Variants in HNRNPLL observed in about 807,000 individuals in gnomAD.
HNRNPLL encodes heterogeneous nuclear ribonucleoprotein L like.
In HNRNPLL, 25 loss-of-function variants were observed where a neutral mutation model predicts 67.1. The observed-to-expected ratio is 0.37, with a 90% CI of 0.27 to 0.52. The LOEUF is 0.52. HNRNPLL is among the 20% of genes least tolerant of loss of function. HNRNPLL has a pLI of 0.90. For synonymous variants in HNRNPLL, 267 were observed against 241.7 expected (o/e 1.10, Z -0.97); for missense variants, 542 against 673.9 (o/e 0.80, Z 2.17).
At chr2:38,597,365 T>C (rs2148388532) in intron 1 of HNRNPLL, among the ~76,000 whole-genome samples, 1 of 152,352 alleles carries the variant, frequency 6.6e-6, no homozygotes, top group Admixed American at 6.5e-5. Context: ...CTGGATACAT[T>C]AAAATTTATC....
chr2:38,576,337 T>A (rs969910073), intron 7 of HNRNPLL, among the ~76,000 whole-genome samples: 1 of 151,848 alleles, frequency 6.6e-6, no homozygotes, highest in Non-Finnish European at 1.5e-5. Context: ...AAACACCCAA[T>A]GTTTTTTACT....
Position 38,564,127 on chromosome 2 carries a change from G to T in HNRNPLL, c.*55C>A. On this transcript the variant is annotated 3_prime_UTR_variant, in exon 13 of 13. Transcript: ENST00000449105. ...ATTTTAGATTTTTTTTTAATGAAGT[G>T]TAGCTTTGAAATTGTAATAAAGGTG... 9.5e-7 allele frequency: 1 copy of T among 1,052,000 alleles called. No individual in the cohort carries two copies. Among genetic ancestry groups the T allele is most frequent in the Non-Finnish European group, 1.5e-6 (1 of 675,424 alleles). The allele number at this position is 1,052,000 out of a possible 1,614,324, so 65.2% of individuals were successfully genotyped here.
In HNRNPLL at chr2:38,585,774, G is replaced by C; in HGVS notation, c.416C>G (p.Ala139Gly). Residue 139 changes from alanine to glycine, a missense_variant, in exon 3 of 13, where the codon GCT becomes GGT. Physicochemically the swap from Ala to Gly is moderately conservative, Grantham distance 60. This residue lies in a region of HNRNPLL where 415 missense variants were observed against 575.2 expected (regional missense o/e 0.72). Transcript: ENST00000449105. ...TFAADEPVYI[A>G]GQQAFFNYST... ...ATAGTTGAAAAAAGCCTGTTGACCA[G>C]CAATGTACACGGGTTCATCTGCAGC... 1.2e-6 allele frequency: 2 copies of C among 1,613,362 alleles called. No homozygotes were observed. The highest frequency in any genetic ancestry group is 8.5e-7 in the Non-Finnish European group (1 of 1,179,342).
At chr2:38,598,261 AAG>A (rs1297852189) in intron 1 of HNRNPLL, among the ~76,000 whole-genome samples, 1 of 152,150 alleles carries the variant, frequency 6.6e-6, no homozygotes, top group Non-Finnish European at 1.5e-5. Flanking sequence ...CGGGCTGGGA[AAG>A]AGAGGATGCT....
chr2:38,597,411 C>T (rs1416188770), intron 1 of HNRNPLL, among the ~76,000 whole-genome samples: 3 of 152,210 alleles, frequency 2.0e-5, no homozygotes, highest in Non-Finnish European at 4.4e-5. Flanking sequence ...TATTTCCAGA[C>T]ATAAAACTAT....
Position 38,591,607 on chromosome 2 carries a change from G to C in HNRNPLL, c.231C>G (p.Val77=), listed in dbSNP as rs368149366. The part of the protein sequence containing the change: ...GSHHKVSVSP[V]VHVRGLCESV... Reference sequence around the variant, plus strand: ...ATTCACAGAGTCCTCGAACATGGACGACGGGTGAAACAGAAACTTTATGAT... The same window carrying C: ...ATTCACAGAGTCCTCGAACATGGACCACGGGTGAAACAGAAACTTTATGAT... Residue 77 remains valine (V), a synonymous_variant, in exon 2 of 13, where the codon GTC becomes GTG. Transcript: ENST00000449105. 1 of 1,613,504 alleles carries C rather than the reference G, an allele frequency of 6.2e-7. No individual in the cohort carries two copies. The highest frequency in any genetic ancestry group is 8.5e-7 in the Non-Finnish European group (1 of 1,179,490).
intron 1 of HNRNPLL, among the ~76,000 whole-genome samples, chr2:38,597,855 T>C (rs1667267509): frequency 1.3e-5 from 2 of 151,730 alleles, no homozygotes; most frequent in South Asian, 4.2e-4. Context: ...ACCCGGCTAA[T>C]TTTTTGTATT....
chr2:38,593,760 A>G (rs1249601703), intron 1 of HNRNPLL, among the ~76,000 whole-genome samples: 1 of 151,822 alleles, frequency 6.6e-6, no homozygotes, highest in African/African-American at 2.4e-5. Flanking sequence ...CCTACTCGGG[A>G]GGCTGAGGCA....
At chr2:38,599,954 C>G (rs965725349) in intron 1 of HNRNPLL, 5 of 468,414 alleles carry the variant, frequency 1.1e-5, no homozygotes, top group Non-Finnish European at 2.2e-5. Context: ...GCTGAAGGAC[C>G]ACTGAAGTTG....
intron 1 of HNRNPLL, among the ~76,000 whole-genome samples, chr2:38,600,749 C>CA (rs58338837): frequency 0.071 from 9,306 of 131,194 alleles, 306 homozygotes; most frequent in South Asian, 0.098. Flanking sequence ...GAGATCCTCT[C>CA]AAAAAAAAAA....
intron 2 of HNRNPLL, among the ~76,000 whole-genome samples, 194 bp downstream of exon 2, chr2:38,591,336 T>C (rs889855859): frequency 6.6e-6 from 1 of 152,264 alleles, no homozygotes; most frequent in African/African-American, 2.4e-5. Context: ...AATACACTCA[T>C]GCATCACCCA....
chr2:38,574,761 G>A (rs184180827), intron 7 of HNRNPLL, among the ~76,000 whole-genome samples: 14 of 151,820 alleles, frequency 9.2e-5, no homozygotes, highest in Non-Finnish European at 4.4e-5. Flanking sequence ...AATTGGTCAT[G>A]GATTTCAACT....
At chr2:38,577,286 A>C (rs1666334854) in intron 7 of HNRNPLL, among the ~76,000 whole-genome samples, 175 bp downstream of exon 7, 1 of 151,918 alleles carries the variant, frequency 6.6e-6, no homozygotes, top group Non-Finnish European at 1.5e-5. Flanking sequence ...TTAAATCATT[A>C]TCCTAAGAAA....
intron 1 of HNRNPLL, among the ~76,000 whole-genome samples, chr2:38,593,063 C>A (rs544336725): frequency 1.3e-5 from 2 of 152,210 alleles, no homozygotes; most frequent in Non-Finnish European, 2.9e-5. Context: ...GAACTACTCA[C>A]GCTACTGTCA....
Position 38,578,944 on chromosome 2 carries a change from A to G in HNRNPLL, c.803-1412T>C, listed in dbSNP as rs1458733978. Reference sequence around the variant, plus strand: ...TAACATTCACAGTTCCTTCTACCACATGGCTTCTAACGTCTCTCATCACGC... The same window carrying G: ...TAACATTCACAGTTCCTTCTACCACGTGGCTTCTAACGTCTCTCATCACGC... On this transcript the variant is annotated intron_variant, in intron 6 of 12. Transcript: ENST00000449105. Among the ~76,000 whole-genome samples the G allele has an allele frequency of 2.0e-5, 3 of 152,014 alleles. No individual in the cohort carries two copies. The East Asian group carries it at 5.8e-4, about 29-fold the overall frequency.
intron 12 of HNRNPLL, among the ~76,000 whole-genome samples, chr2:38,566,947 G>A (rs1312096463): frequency 1.3e-5 from 2 of 152,010 alleles, no homozygotes; most frequent in South Asian, 4.1e-4. Context: ...TGGGGGGACG[G>A]GTAAATAAGA....
At position 38,585,960 on chromosome 2, in the gene HNRNPLL, A is replaced by T. The variant is rs1573744476; in HGVS notation, c.309-79T>A. 4.6e-6 allele frequency: 4 copies of T among 869,278 alleles called. No homozygotes were observed. In the East Asian group the frequency reaches 9.7e-5, roughly 21 times the overall value. The allele number at this position is 869,278 out of a possible 1,614,324, so 53.8% of individuals were successfully genotyped here. ...TATTTGTCCTCAATTAAGTAAAAGCAGACTTTAATAAAAATGTGTCAAATC... is the reference window on the plus strand; with the variant it reads ...TATTTGTCCTCAATTAAGTAAAAGCTGACTTTAATAAAAATGTGTCAAATC... On this transcript the variant is annotated intron_variant, in intron 2 of 12. Coordinates refer to ENST00000449105, the MANE Select transcript of HNRNPLL (RefSeq NM_138394.4).
At chr2:38,592,688 C>G (rs913169219) in intron 1 of HNRNPLL, among the ~76,000 whole-genome samples, 1 of 152,174 alleles carries the variant, frequency 6.6e-6, no homozygotes, top group Non-Finnish European at 1.5e-5. Flanking sequence ...ATGCAAATAG[C>G]TTTCATTTAC....
In HNRNPLL at chr2:38,593,603, T is replaced by C. The variant is rs150753717; in HGVS notation, c.190-1955A>G. 4.8e-4 allele frequency among the ~76,000 whole-genome samples: 73 copies of C among 152,192 alleles called. 4 individuals carry two copies. The East Asian group carries it at 0.014, about 29-fold the overall frequency. On this transcript the variant is annotated intron_variant, in intron 1 of 12. Transcript: ENST00000449105. ...GAGACTAAGAGACACAGCAACCAAA[T>C]GCTGGGCCAGACGTGGTGGCTCATG...
Sources: allele counts gnomAD v4.1 joint callset (sites outside exome capture counted in the v4.1 genomes callset), GRCh38; gene constraint gnomAD v4.1.1; regional missense constraint gnomAD v4.1.1; transcripts MANE v1.5; gene names NCBI Gene and HGNC (gene_info 2026-07-23, HGNC 2026-07-21).